HS2ST1: variants seen among roughly 807,000 people sequenced by gnomAD.
HS2ST1 encodes the protein 2-O-sulfotransferase.
In HS2ST1, 18 loss-of-function variants were observed where a neutral mutation model predicts 42.9. The ratio of observed to expected loss-of-function variants is 0.42; its 90% CI spans 0.29 to 0.62. The LOEUF (loss-of-function observed/expected upper bound fraction) is 0.62. HS2ST1 is among the 20% of genes least tolerant of loss of function. The pLI is 0.21. For missense variants in HS2ST1, 334 were observed against 433.8 expected (o/e 0.77, Z 2.04); for synonymous variants, 146 against 152.9 (o/e 0.95, Z 0.33).
chr1:87,052,263 T>A (rs1650855311), intron 1 of HS2ST1, among the ~76,000 whole-genome samples: 2 of 151,928 alleles, frequency 1.3e-5, no homozygotes, highest in Non-Finnish European at 2.9e-5. Context: ...AAAAAAAATT[T>A]TTTTTTAACT....
intron 1 of HS2ST1, among the ~76,000 whole-genome samples, chr1:87,026,558 T>C (rs1173957710): frequency 6.6e-6 from 1 of 152,176 alleles, no homozygotes; most frequent in East Asian, 1.9e-4. Context: ...ATAGGAAATA[T>C]CTAATTATAT....
chr1:87,031,670 T>C (rs1447002195), intron 1 of HS2ST1, among the ~76,000 whole-genome samples: 1 of 152,260 alleles, frequency 6.6e-6, no homozygotes, highest in Non-Finnish European at 1.5e-5. Context: ...AGACCAGCAG[T>C]TGGAGTAGCA....
Position 86,914,840 on chromosome 1 carries a change from C to G in HS2ST1, c.-197C>G, listed in dbSNP as rs1369514683. 4.9e-6 allele frequency: 3 copies of G among 616,680 alleles called. No individual in the cohort carries two copies. Among genetic ancestry groups the G allele is most frequent in the Non-Finnish European group, 8.4e-6 (3 of 357,554 alleles). The allele number at this position is 616,680 out of a possible 1,614,324, so 38.2% of individuals were successfully genotyped here. A position where few individuals can be genotyped will look rare whatever the true frequency, so the allele number is the denominator to read the frequency against. Reference sequence around the variant, plus strand: ...GTTTAGTCGGCTGAGGAGAAGCGGACACCAGCGGCGTTGGTGATAGCGCCT... The same window carrying G: ...GTTTAGTCGGCTGAGGAGAAGCGGAGACCAGCGGCGTTGGTGATAGCGCCT... On this transcript the variant is annotated 5_prime_UTR_variant, in exon 1 of 7. Coordinates refer to ENST00000370550, the MANE Select transcript of HS2ST1 (RefSeq NM_012262.4).
intron 1 of HS2ST1, among the ~76,000 whole-genome samples, chr1:87,016,385 T>C (rs1184435348): frequency 6.6e-6 from 1 of 152,132 alleles, no homozygotes; most frequent in South Asian, 2.1e-4. Context: ...TCTAATGCAG[T>C]TTTTTTCCAG....
At chr1:86,931,634 C>T (rs1276112154) in intron 1 of HS2ST1, among the ~76,000 whole-genome samples, 3 of 151,854 alleles carry the variant, frequency 2.0e-5, no homozygotes, top group Non-Finnish European at 2.9e-5. Flanking sequence ...GATTTTGTGC[C>T]GTACATGATT....
chr1:87,098,104 G>T lies in HS2ST1; in HGVS notation c.686+169G>T, dbSNP rs1652113722. 8.7e-6 allele frequency: 12 copies of T among 1,386,916 alleles called. No individual in the cohort carries two copies. The South Asian group carries it at 1.8e-4, about 21-fold the overall frequency. 85.9% of individuals were successfully genotyped at this position (1,386,916 alleles called of 1,614,324 possible). The stretch of plus-strand genomic sequence containing the variant: ...CAGTTACTTTTAAATGCATTTAAAA[G>T]ATTCCTCATGTAGAGTGATATCCTA... On this transcript the variant is annotated intron_variant, in intron 5 of 6. Transcript: ENST00000370550.
chr1:86,953,615 C>T (rs1647587653), intron 1 of HS2ST1, among the ~76,000 whole-genome samples: 1 of 152,000 alleles, frequency 6.6e-6, no homozygotes, highest in Non-Finnish European at 1.5e-5. Context: ...CAAAAATTAG[C>T]TGGGCATGGT....
chr1:86,961,775 C>T (rs184285117), intron 1 of HS2ST1, among the ~76,000 whole-genome samples: 76 of 152,200 alleles, frequency 5.0e-4, no homozygotes, highest in Non-Finnish European at 9.7e-4. Context: ...CTAACCTCCC[C>T]CTAAGCAGGT....
intron 1 of HS2ST1, among the ~76,000 whole-genome samples, chr1:86,997,848 C>T (rs796253111): frequency 3.9e-5 from 6 of 152,196 alleles, no homozygotes; most frequent in South Asian, 4.1e-4. Flanking sequence ...TTTCATCACA[C>T]TACTCAAAAT....
chr1:87,009,562 G>T (rs1289152632), intron 1 of HS2ST1, among the ~76,000 whole-genome samples: 1 of 152,152 alleles, frequency 6.6e-6, no homozygotes, highest in African/African-American at 2.4e-5. Flanking sequence ...ACATATCATG[G>T]TTTATTAGTC....
rs770656602 is a variant in HS2ST1, at chr1:87,015,196, G to A, written c.125-57738G>A. Among the ~76,000 whole-genome samples, 10 of 151,688 alleles carry A rather than the reference G, an allele frequency of 6.6e-5. No individual in the cohort carries two copies. The East Asian group carries it at 9.7e-4, about 15-fold the overall frequency. On this transcript the variant is annotated intron_variant, in intron 1 of 6. Coordinates refer to ENST00000370550, the MANE Select transcript of HS2ST1 (RefSeq NM_012262.4). Reference sequence around the variant, plus strand: ...CCCGAGTAGCTGGGACTACAGACACGCCCCACTAAGCTCAGCTATTGTTTA... The same window carrying A: ...CCCGAGTAGCTGGGACTACAGACACACCCCACTAAGCTCAGCTATTGTTTA...
intron 1 of HS2ST1, among the ~76,000 whole-genome samples, chr1:87,064,208 G>C (rs1304807171): frequency 6.6e-6 from 1 of 152,092 alleles, no homozygotes; most frequent in African/African-American, 2.4e-5. Flanking sequence ...ATAGGTTTTT[G>C]TAGGGATTCT....
chr1:86,955,648 C>T (rs967826739), intron 1 of HS2ST1, among the ~76,000 whole-genome samples: 1 of 152,120 alleles, frequency 6.6e-6, no homozygotes, highest in Non-Finnish European at 1.5e-5. Flanking sequence ...AAATTGGACA[C>T]TTTTTGGCTT....
chr1:86,982,102 G>T (rs1316204489), intron 1 of HS2ST1, among the ~76,000 whole-genome samples: 1 of 152,236 alleles, frequency 6.6e-6, no homozygotes, highest in Non-Finnish European at 1.5e-5. Flanking sequence ...ACCCTCTGAA[G>T]CAACGGCCTA....
At chr1:86,981,583 G>A (rs1648591990) in intron 1 of HS2ST1, among the ~76,000 whole-genome samples, 1 of 152,216 alleles carries the variant, frequency 6.6e-6, no homozygotes, top group Non-Finnish European at 1.5e-5. Flanking sequence ...CTCCATGCAA[G>A]TCAGAAACCC....
intron 1 of HS2ST1, among the ~76,000 whole-genome samples, chr1:86,992,616 C>T (rs889719135): frequency 2.6e-5 from 4 of 152,204 alleles, no homozygotes; most frequent in African/African-American, 9.7e-5. Flanking sequence ...CACGCCTCGG[C>T]CTCCCAAATT....
At chr1:86,960,227 C>A (rs1447197197) in intron 1 of HS2ST1, among the ~76,000 whole-genome samples, 240 of 131,326 alleles carry the variant, frequency 1.8e-3, no homozygotes, top group East Asian at 2.6e-3. Context: ...TCCACGCCAC[C>A]AAAAAAAAAA....
At chr1:86,962,734 A>G (rs1010140349) in intron 1 of HS2ST1, among the ~76,000 whole-genome samples, 2 of 152,238 alleles carry the variant, frequency 1.3e-5, no homozygotes, top group South Asian at 2.1e-4. Flanking sequence ...ATCATTGAAA[A>G]GAGAGGCTAG....
intron 1 of HS2ST1, among the ~76,000 whole-genome samples, chr1:86,935,963 C>T (rs1219341445): frequency 6.6e-5 from 10 of 152,080 alleles, no homozygotes; most frequent in African/African-American, 2.2e-4. Context: ...CACAGGAAAT[C>T]GATGGTGGTA....
Sources: allele counts gnomAD v4.1 joint callset (sites outside exome capture counted in the v4.1 genomes callset), GRCh38; gene constraint gnomAD v4.1.1; transcripts MANE v1.5; gene names NCBI Gene and HGNC (gene_info 2026-07-23, HGNC 2026-07-21).